The following FAM20A variants were observed in gnomAD, a reference collection of about 807,000 sequenced individuals.
FAM20A encodes pseudokinase FAM20A.
Under a neutral mutation model 52.0 loss-of-function variants are expected in FAM20A, and 42 were observed. The ratio of observed to expected loss-of-function variants is 0.81; its 90% CI spans 0.63 to 1.04. The LOEUF (loss-of-function observed/expected upper bound fraction) is 1.04, where lower values mean the gene tolerates loss of function less well. FAM20A is among the 50% of genes least tolerant of loss of function. The pLI is 0.00. For missense variants in FAM20A, 742 were observed against 712.7 expected, an observed-to-expected ratio of 1.04 and a Z score of -0.47; for synonymous variants, 304 against 298.9, an observed-to-expected ratio of 1.02 and a Z score of -0.18.
intron 3 of FAM20A, among the ~76,000 whole-genome samples, chr17:68,554,033 C>T (rs62087501): frequency 0.047 from 2,413 of 51,398 alleles, 55 homozygotes; most frequent in African/African-American, 0.082. Context: ...CATATATACA[C>T]ACATGCATAT....
Position 68,549,672 on chromosome 17 carries a change from G to T in FAM20A, c.719+2201C>A, listed in dbSNP as rs935208359. On this transcript the variant is annotated intron_variant, in intron 4 of 10. Transcript: ENST00000592554. ...TTCCTTAGGTTGCCTCTCTCTAACTGGGGCTGTCTTTTGAGTATATATTAT... is the reference window on the plus strand; with the variant it reads ...TTCCTTAGGTTGCCTCTCTCTAACTTGGGCTGTCTTTTGAGTATATATTAT... Among the ~76,000 whole-genome samples, 16 of 152,004 alleles carry T rather than the reference G, an allele frequency of 1.1e-4. No individual in the cohort carries two copies. In the East Asian group the frequency reaches 3.1e-3, roughly 29 times the overall value.
At position 68,535,642 on chromosome 17, in the gene FAM20A, T is replaced by C. The variant is rs1312855733; in HGVS notation, c.*1835A>G. ...AGGAAATCTTTGGGATTAAGGTTTC[T>C]CTGTTAAAGAGTTGATTTAAAAAAA... On this transcript the variant is annotated 3_prime_UTR_variant, in exon 11 of 11. Transcript: ENST00000592554. The C allele has an allele frequency of 1.3e-5, 6 of 453,568 alleles. No individual in the cohort carries two copies. The highest frequency in any genetic ancestry group is 9.3e-5 in the South Asian group (6 of 64,296). 28.1% of individuals were successfully genotyped at this position (453,568 alleles called of 1,614,324 possible). A position where few individuals can be genotyped will look rare whatever the true frequency, so the allele number is the denominator to read the frequency against.
chr17:68,554,362 GAGTGCTGGGATT>G (rs2086994862), intron 3 of FAM20A, among the ~76,000 whole-genome samples: 1 of 152,120 alleles, frequency 6.6e-6, no homozygotes, highest in African/African-American at 2.4e-5. Context: ...CGGACTCCCA[GAGTGCTGGGATT>G]ACAGGTGTGA....
intron 1 of FAM20A, among the ~76,000 whole-genome samples, chr17:68,591,036 T>TAAGCAGATG (rs762939624): frequency 6.6e-6 from 1 of 152,172 alleles, no homozygotes; most frequent in Non-Finnish European, 1.5e-5. Flanking sequence ...GGGATGAAGA[T>TAAGCAGATG]AAGCAGATGA....
intron 1 of FAM20A, among the ~76,000 whole-genome samples, chr17:68,562,618 C>T (rs966610742): frequency 6.6e-6 from 1 of 151,952 alleles, no homozygotes; most frequent in Non-Finnish European, 1.5e-5. Flanking sequence ...CCATCCCCCC[C>T]CCTTTTTATT....
intron 1 of FAM20A, among the ~76,000 whole-genome samples, chr17:68,594,757 C>T (rs1355179519): frequency 6.6e-6 from 1 of 152,208 alleles, no homozygotes; most frequent in Admixed American, 6.5e-5. Flanking sequence ...ATGGCCCCTC[C>T]ATCTTCAATC....
At chr17:68,562,894 C>T (rs1256102745) in intron 1 of FAM20A, among the ~76,000 whole-genome samples, 1 of 152,108 alleles carries the variant, frequency 6.6e-6, no homozygotes. Flanking sequence ...TGAAGAGCTG[C>T]CAATGACCAG....
intron 8 of FAM20A, chr17:68,540,539 C>G (rs898455208): frequency 2.0e-6 from 1 of 503,342 alleles, no homozygotes; most frequent in African/African-American, 1.9e-5. Flanking sequence ...ACTTTCTTCC[C>G]TTCCTACCTG....
chr17:68,581,420 C>CTTTCTT (rs1299176126), intron 1 of FAM20A, among the ~76,000 whole-genome samples: 3 of 47,768 alleles, frequency 6.3e-5, no homozygotes, highest in South Asian at 9.5e-4. Flanking sequence ...CTTTCTTTTT[C>CTTTCTT]TCTTTTCTTT....
At chr17:68,560,125 G>A (rs1043179056) in intron 1 of FAM20A, among the ~76,000 whole-genome samples, 2 of 152,058 alleles carry the variant, frequency 1.3e-5, no homozygotes, top group African/African-American at 2.4e-5. Flanking sequence ...TAGTAGAGAT[G>A]GGTTTCACCA....
At position 68,600,717 on chromosome 17, in the gene FAM20A, C is replaced by T. The variant is rs1390861702; in HGVS notation, c.-51G>A. ...GGGGCAGGCCGGCTGTCTCCGGGGTCCCGGGAGGGGTCGCGGGGTGCGGGC... is the reference window on the plus strand; with the variant it reads ...GGGGCAGGCCGGCTGTCTCCGGGGTTCCGGGAGGGGTCGCGGGGTGCGGGC... On this transcript the variant is annotated 5_prime_UTR_variant, in exon 1 of 11. Coordinates refer to ENST00000592554, the MANE Select transcript of FAM20A (RefSeq NM_017565.4). This position sits in a 1 kb window ranked among gnomAD's most constrained non-coding sequence, Gnocchi z 6.2. The T allele has an allele frequency of 2.6e-6, 4 of 1,517,634 alleles. No homozygotes were observed. Among genetic ancestry groups the T allele is most frequent in the Non-Finnish European group, 3.5e-6 (4 of 1,138,994 alleles). The allele number at this position is 1,517,634 out of a possible 1,614,324, so 94.0% of individuals were successfully genotyped here. A position where few individuals can be genotyped will look rare whatever the true frequency, so the allele number is the denominator to read the frequency against.
In FAM20A at chr17:68,536,449, G is replaced by T. The variant is rs1398408808; in HGVS notation, c.*1028C>A. 1 of 454,122 alleles carries T rather than the reference G, an allele frequency of 2.2e-6. No homozygotes were observed. The highest frequency in any genetic ancestry group is 6.9e-5 in the East Asian group (1 of 14,396). The allele number at this position is 454,122 out of a possible 1,614,324, so 28.1% of individuals were successfully genotyped here. A position where few individuals can be genotyped will look rare whatever the true frequency, so the allele number is the denominator to read the frequency against. Reference sequence around the variant, plus strand: ...TCAACAAGTCAGGGAGAAGGTAGAGGAGACAAGGAATCCCTACTACACTTT... The same window carrying T: ...TCAACAAGTCAGGGAGAAGGTAGAGTAGACAAGGAATCCCTACTACACTTT... On this transcript the variant is annotated 3_prime_UTR_variant, in exon 11 of 11. Transcript: ENST00000592554.
chr17:68,598,078 A>G (rs554227128), intron 1 of FAM20A: 5 of 144,318 alleles, frequency 3.5e-5, no homozygotes, highest in Non-Finnish European at 1.5e-5. Flanking sequence ...GTCATGGCTC[A>G]CTGCAGCCTC....
intron 4 of FAM20A, among the ~76,000 whole-genome samples, chr17:68,544,294 G>T (rs2086448274): frequency 6.6e-6 from 1 of 152,176 alleles, no homozygotes; most frequent in African/African-American, 2.4e-5. Context: ...GGGGCAGCTG[G>T]TGCAGAGGAT....
chr17:68,536,918 A>G lies in FAM20A; in HGVS notation c.*559T>C. On this transcript the variant is annotated 3_prime_UTR_variant, in exon 11 of 11. Coordinates refer to ENST00000592554, the MANE Select transcript of FAM20A (RefSeq NM_017565.4). ...CTAAGAAGTTACTCCAGGACCGGGCAGTAGGGATTACTGATTCAGATGGGT... is the reference window on the plus strand; with the variant it reads ...CTAAGAAGTTACTCCAGGACCGGGCGGTAGGGATTACTGATTCAGATGGGT... 2.2e-6 allele frequency: 1 copy of G among 454,202 alleles called. No homozygotes were observed. 28.1% of individuals were successfully genotyped at this position (454,202 alleles called of 1,614,324 possible).
rs770729143 is a variant in FAM20A, at chr17:68,537,719, G to A, written c.1384C>T (p.His462Tyr). ...TCAGCTTGGGCCAGCAGCTGCAGGTGCAAAAGTGTTTTCTTTTTTATCCTG... is the reference window on the plus strand; with the variant it reads ...TCAGCTTGGGCCAGCAGCTGCAGGTACAAAAGTGTTTTCTTTTTTATCCTG... ...CCMIKKKTLL[H>Y]LQLLAQADYR... Residue 462 changes from histidine to tyrosine, a missense_variant, in exon 11 of 11, where the codon CAC becomes TAC. Physicochemically the swap from His to Tyr is moderately conservative, Grantham distance 83 (BLOSUM62 2). Coordinates refer to ENST00000592554, the MANE Select transcript of FAM20A (RefSeq NM_017565.4). This position sits in a 1 kb window ranked among gnomAD's most constrained non-coding sequence, Gnocchi z 4.2. 35 of 1,612,518 alleles carry A rather than the reference G, an allele frequency of 2.2e-5. No homozygotes were observed. Among genetic ancestry groups the A allele is most frequent in the Non-Finnish European group, 3.0e-5 (35 of 1,179,346 alleles).
intron 4 of FAM20A, among the ~76,000 whole-genome samples, chr17:68,551,512 C>T (rs1249943314): frequency 1.3e-5 from 2 of 151,976 alleles, no homozygotes; most frequent in East Asian, 3.9e-4. Context: ...CTGCTGTTTG[C>T]AGCTGGAAGA....
At chr17:68,549,524 A>G (rs1482121285) in intron 4 of FAM20A, among the ~76,000 whole-genome samples, 1 of 151,526 alleles carries the variant, frequency 6.6e-6, no homozygotes, top group African/African-American at 2.4e-5. Flanking sequence ...GAGACATCCT[A>G]TTGTGCCACA....
chr17:68,584,108 G>C (rs1368351456), intron 1 of FAM20A, among the ~76,000 whole-genome samples: 1 of 152,126 alleles, frequency 6.6e-6, no homozygotes, highest in Non-Finnish European at 1.5e-5. Flanking sequence ...CTTGAGGCCA[G>C]GAGTTTGAGA....
Sources: gnomAD v4.1 joint callset for allele counts (sites outside exome capture counted in the v4.1 genomes callset) on GRCh38, gnomAD v4.1.1 for gene constraint, Gnocchi (gnomAD v3.1) non-coding constraint, MANE v1.5 for transcripts, NCBI Gene and HGNC (gene_info 2026-07-23, HGNC 2026-07-21) for gene names.